Variants in CELF4 observed in about 807,000 individuals in gnomAD.
CELF4 encodes the protein CUGBP Elav-like family member 4.
In CELF4, 18 loss-of-function variants were observed where a neutral mutation model predicts 59.9. The observed-to-expected ratio is 0.30, with a 90% CI of 0.21 to 0.45. The LOEUF (loss-of-function observed/expected upper bound fraction) is 0.45. Among genes scored for constraint, CELF4 ranks in the 20% least tolerant of loss-of-function variants. The pLI, the probability that CELF4 is intolerant of heterozygous loss-of-function variation, is 1.00. For missense variants in CELF4, 456 were observed against 689.0 expected (o/e 0.66, Z 3.79); for synonymous variants, 261 against 267.1 (o/e 0.98, Z 0.22).
At chr18:37,356,188 C>T (rs2098562018) in intron 2 of CELF4, among the ~76,000 whole-genome samples, 1 of 152,176 alleles carries the variant, frequency 6.6e-6, no homozygotes, top group South Asian at 2.1e-4. Flanking sequence ...ACCATGGGGC[C>T]ATCAAAGCCA....
At chr18:37,393,370 C>T (rs2099190484) in intron 2 of CELF4, among the ~76,000 whole-genome samples, 1 of 152,218 alleles carries the variant, frequency 6.6e-6, no homozygotes, top group East Asian at 1.9e-4. Context: ...GTCATTCATT[C>T]GTTGTTCTCC....
At chr18:37,332,859 C>T (rs541056943) in intron 2 of CELF4, among the ~76,000 whole-genome samples, 3 of 152,260 alleles carry the variant, frequency 2.0e-5, no homozygotes, top group Admixed American at 6.5e-5. Flanking sequence ...GAGGCCCTCA[C>T]TGCCAAGGGC....
At chr18:37,504,447 C>T (rs2099935317) in intron 1 of CELF4, among the ~76,000 whole-genome samples, 1 of 143,710 alleles carries the variant, frequency 7.0e-6, no homozygotes, top group African/African-American at 2.6e-5. Flanking sequence ...GAGTGAGACT[C>T]CATCTCAAAA....
chr18:37,504,641 G>A (rs1189621419), intron 1 of CELF4, among the ~76,000 whole-genome samples: 3 of 152,102 alleles, frequency 2.0e-5, no homozygotes, highest in African/African-American at 7.2e-5. Context: ...TACAGGCAGG[G>A]CTGGCTCTCA....
chr18:37,266,543 C>T lies in CELF4; in HGVS notation c.1155G>A (p.Gln385=), dbSNP rs760568408. The part of the protein sequence containing the change: ...PLQQAYAGVQ[Q]YAGPAAYPAA... ...CGCGTGGATACTAACGACCTGCATA[C>T]TGCTGCACTCCGGCGTAGGCCTGCT... The change falls in exon 9 of 13, where the codon CAG becomes CAA. Residue 385 remains glutamine (Q), a synonymous_variant. Coordinates refer to ENST00000420428, the MANE Select transcript of CELF4 (RefSeq NM_020180.4). 5 of 1,595,110 alleles carry T rather than the reference C, an allele frequency of 3.1e-6. No individual in the cohort carries two copies. In the African/African-American group the frequency reaches 5.3e-5, roughly 17 times the overall value.
intron 2 of CELF4, among the ~76,000 whole-genome samples, chr18:37,348,081 G>C (rs1480272466): frequency 6.6e-6 from 1 of 152,118 alleles, no homozygotes; most frequent in Non-Finnish European, 1.5e-5. Flanking sequence ...CTGCCCGCCT[G>C]GCCCTGTGCC....
In CELF4 at chr18:37,343,329, C is replaced by CTGTGTGTGTG. The variant is rs5824051; in HGVS notation, c.370-21458_370-21449dup. ...ATTGTGTTGAGAATGGGTGTTGATT[C>CTGTGTGTGTG]TGTGTGTGTGTGTGTGTGTGTGTGT... On this transcript the variant is annotated intron_variant, in intron 2 of 12. Transcript: ENST00000420428. 1.4e-3 allele frequency among the ~76,000 whole-genome samples: 183 copies of CTGTGTGTGTG among 127,042 alleles called. 2 individuals are homozygous for CTGTGTGTGTG. Among genetic ancestry groups the CTGTGTGTGTG allele is most frequent in the Middle Eastern group, 7.9e-3 (2 of 252 alleles). The allele number at this position is 127,042 out of a possible 152,430, so 83.3% of individuals were successfully genotyped here.
At chr18:37,535,240 G>A (rs1266566485) in intron 1 of CELF4, among the ~76,000 whole-genome samples, 1 of 152,132 alleles carries the variant, frequency 6.6e-6, no homozygotes, top group Admixed American at 6.5e-5. Flanking sequence ...TTTGGACCAG[G>A]TGGAATCTGA....
chr18:37,544,817 C>T (rs1483986581), intron 1 of CELF4, among the ~76,000 whole-genome samples: 1 of 152,124 alleles, frequency 6.6e-6, no homozygotes, highest in East Asian at 1.9e-4. Context: ...GCCCCAGGGG[C>T]CATGAGGCAA....
At chr18:37,270,967 C>G in intron 7 of CELF4, 50 bp from the exon 8 acceptor site, 1 of 1,505,790 alleles carries the variant, frequency 6.6e-7, no homozygotes, top group Non-Finnish European at 8.9e-7. Context: ...GCAAGCAGAA[C>G]AAAGGTGAGG....
intron 1 of CELF4, among the ~76,000 whole-genome samples, chr18:37,509,123 A>G (rs1038252693): frequency 4.0e-5 from 6 of 150,122 alleles, no homozygotes; most frequent in African/African-American, 1.5e-4. Context: ...TCCCCAAATC[A>G]CTTGTACAAA....
chr18:37,465,486 G>A (rs1441645281), intron 2 of CELF4, among the ~76,000 whole-genome samples: 1 of 152,130 alleles, frequency 6.6e-6, no homozygotes, highest in Non-Finnish European at 1.5e-5. Context: ...AGGGCTCTGT[G>A]TACCAGCACC....
At chr18:37,441,179 C>T (rs1166347133) in intron 2 of CELF4, among the ~76,000 whole-genome samples, 1 of 152,080 alleles carries the variant, frequency 6.6e-6, no homozygotes, top group Non-Finnish European at 1.5e-5. Flanking sequence ...GAGGGTGGGG[C>T]AGATCCTGAA....
chr18:37,352,943 C>A (rs4799918), intron 2 of CELF4, among the ~76,000 whole-genome samples: 1 of 152,002 alleles, frequency 6.6e-6, no homozygotes, highest in Non-Finnish European at 1.5e-5. Context: ...CTTTCTTGGC[C>A]GGGCGCGGTA....
chr18:37,404,141 G>A (rs1376949129), intron 2 of CELF4, among the ~76,000 whole-genome samples: 1 of 152,226 alleles, frequency 6.6e-6, no homozygotes, highest in Admixed American at 6.5e-5. Flanking sequence ...GGGCAGGCCT[G>A]AGCCAGCAAG....
At chr18:37,282,296 A>G (rs2094241616) in intron 3 of CELF4, among the ~76,000 whole-genome samples, 1 of 152,144 alleles carries the variant, frequency 6.6e-6, no homozygotes, top group African/African-American at 2.4e-5. Flanking sequence ...AGAGAAGCCA[A>G]CAGCATTTTG....
At chr18:37,507,748 G>A (rs2099939728) in intron 1 of CELF4, among the ~76,000 whole-genome samples, 1 of 152,166 alleles carries the variant, frequency 6.6e-6, no homozygotes, top group African/African-American at 2.4e-5. Context: ...CTCCCACTGT[G>A]GCATGGCTAG....
chr18:37,524,124 C>G (rs1330973541), intron 1 of CELF4, among the ~76,000 whole-genome samples: 1 of 152,212 alleles, frequency 6.6e-6, no homozygotes, highest in African/African-American at 2.4e-5. Flanking sequence ...TGGCATACAG[C>G]GAGACCTCCA....
intron 10 of CELF4, among the ~76,000 whole-genome samples, chr18:37,260,042 C>T (rs1204375017): frequency 1.3e-5 from 2 of 152,236 alleles, no homozygotes; most frequent in Non-Finnish European, 2.9e-5. Context: ...CTCTAACTCA[C>T]TTAATCCTTA....
Sources: gnomAD v4.1 joint callset for allele counts (sites outside exome capture counted in the v4.1 genomes callset) on GRCh38, gnomAD v4.1.1 for gene constraint, MANE v1.5 for transcripts, NCBI Gene and HGNC (gene_info 2026-07-23, HGNC 2026-07-21) for gene names.